The following TBXAS1 variants were observed in gnomAD, a reference collection of about 807,000 sequenced individuals.
The protein encoded by TBXAS1 is thromboxane-A synthase.
Under a neutral mutation model 60.7 loss-of-function variants are expected in TBXAS1, and 48 were observed. The observed-to-expected ratio is 0.79, with a 90% CI of 0.63 to 1.01. The LOEUF (loss-of-function observed/expected upper bound fraction) is 1.01, where lower values mean the gene tolerates loss of function less well. Ranked by LOEUF, TBXAS1 falls within the 50% of genes least tolerant of loss-of-function variation. The probability of loss-of-function intolerance (pLI) is 0.00; values close to 1 mark genes in which losing one functional copy is unlikely to be tolerated. For missense variants in TBXAS1, 685 were observed against 686.3 expected, an observed-to-expected ratio of 1.00 and a Z score of 0.02; for synonymous variants, 287 against 269.7, an observed-to-expected ratio of 1.06 and a Z score of -0.63.
At chr7:139,801,006 G>T (rs974624565) in intron 4 of TBXAS1, among the ~76,000 whole-genome samples, 8 of 152,058 alleles carry the variant, frequency 5.3e-5, no homozygotes, top group African/African-American at 1.9e-4. Context: ...TATTACTCCA[G>T]AATAATTTCA....
At chr7:139,867,193 G>A (rs1315781977) in intron 1 of TBXAS1, among the ~76,000 whole-genome samples, 1 of 151,284 alleles carries the variant, frequency 6.6e-6, no homozygotes, top group Non-Finnish European at 1.5e-5. Context: ...AGCATCACAA[G>A]TTTTTACCCC....
chr7:139,990,574 A>T (rs1208231273), intron 9 of TBXAS1, among the ~76,000 whole-genome samples: 1 of 151,048 alleles, frequency 6.6e-6, no homozygotes, highest in Non-Finnish European at 1.5e-5. Context: ...GTCATCTACT[A>T]CCCCTGGTTC....
chr7:139,855,425 C>T lies in TBXAS1; in HGVS notation c.90-16810C>T, dbSNP rs903043254. On this transcript the variant is annotated intron_variant, in intron 1 of 12. Transcript: ENST00000448866. ...GCCTGAAGTGTGACTGGATGTCAGGCGTGGGCTGCCCTGGGGCTTTGGGAA... is the reference window on the plus strand; with the variant it reads ...GCCTGAAGTGTGACTGGATGTCAGGTGTGGGCTGCCCTGGGGCTTTGGGAA... Among the ~76,000 whole-genome samples the T allele has an allele frequency of 2.0e-5, 3 of 151,852 alleles. 1 individual carries two copies. The highest frequency in any genetic ancestry group is 6.3e-3 in the Middle Eastern group (2 of 316).
intron 1 of TBXAS1, among the ~76,000 whole-genome samples, chr7:139,871,166 A>C (rs1360148351): frequency 1.3e-5 from 2 of 152,088 alleles, no homozygotes; most frequent in African/African-American, 4.8e-5. Flanking sequence ...TATTTTAAGT[A>C]CTCCTTATTG....
intron 1 of TBXAS1, among the ~76,000 whole-genome samples, chr7:139,837,596 G>A (rs956340271): frequency 6.6e-6 from 1 of 152,174 alleles, no homozygotes; most frequent in African/African-American, 2.4e-5. Context: ...TCACTGATAC[G>A]TGGGATCTAA....
At chr7:139,972,501 G>T (rs1811276605) in intron 9 of TBXAS1, among the ~76,000 whole-genome samples, 1 of 152,088 alleles carries the variant, frequency 6.6e-6, no homozygotes, top group Admixed American at 6.5e-5. Context: ...AACATCAAAA[G>T]AATGGGTTTT....
chr7:139,808,497 A>G (rs1797933834), intron 4 of TBXAS1, among the ~76,000 whole-genome samples: 1 of 152,182 alleles, frequency 6.6e-6, no homozygotes, highest in Non-Finnish European at 1.5e-5. Context: ...GTAAACTTAC[A>G]TAATTTAATT....
chr7:139,876,934 T>A (rs1215374205), intron 3 of TBXAS1, among the ~76,000 whole-genome samples: 4 of 152,232 alleles, frequency 2.6e-5, no homozygotes, highest in African/African-American at 9.6e-5. Context: ...AGGCTCTGCA[T>A]GTCTCTCATC....
At chr7:139,979,947 G>A (rs1005177372) in intron 9 of TBXAS1, among the ~76,000 whole-genome samples, 4 of 149,222 alleles carry the variant, frequency 2.7e-5, no homozygotes, top group Admixed American at 1.3e-4. Context: ...TTTTCCTCAC[G>A]TAAAATCCAC....
intron 3 of TBXAS1, among the ~76,000 whole-genome samples, chr7:139,905,635 T>A (rs1805017808): frequency 2.6e-5 from 4 of 152,210 alleles, no homozygotes; most frequent in Admixed American, 2.6e-4. Flanking sequence ...CTTCATAGAA[T>A]GAGTTAGGGA....
chr7:139,906,523 C>T (rs891517424), intron 3 of TBXAS1, among the ~76,000 whole-genome samples: 31 of 152,074 alleles, frequency 2.0e-4, no homozygotes, highest in African/African-American at 5.8e-4. Context: ...ACAGTCTTGA[C>T]GACTACAGCC....
At chr7:139,976,447 G>A (rs1185663073) in intron 9 of TBXAS1, among the ~76,000 whole-genome samples, 1 of 152,246 alleles carries the variant, frequency 6.6e-6, no homozygotes, top group African/African-American at 2.4e-5. Flanking sequence ...AAGCAAGCCA[G>A]TCCTTGGTTT....
intron 9 of TBXAS1, among the ~76,000 whole-genome samples, chr7:139,993,515 C>G (rs1813072247): frequency 6.6e-6 from 1 of 152,220 alleles, no homozygotes; most frequent in East Asian, 1.9e-4. Flanking sequence ...CCCTGCGGCC[C>G]TGCTGCCTGG....
intron 9 of TBXAS1, among the ~76,000 whole-genome samples, chr7:139,984,636 G>GAAAGAAAGAAAGAAAGAA (rs1554503288): frequency 1.4e-5 from 1 of 70,912 alleles, no homozygotes; most frequent in Admixed American, 1.5e-4. Flanking sequence ...GAGAGAGAGA[G>GAAAGAAAGAAAGAAAGAA]AGAGAGAAAG....
intron 4 of TBXAS1, among the ~76,000 whole-genome samples, chr7:139,800,112 C>A (rs1279960314): frequency 1.3e-5 from 2 of 152,174 alleles, no homozygotes; most frequent in East Asian, 3.9e-4. Flanking sequence ...AGGGCAATGC[C>A]ACCCTTTATT....
chr7:139,848,576 A>C (rs185913065), intron 1 of TBXAS1, among the ~76,000 whole-genome samples: 20 of 152,282 alleles, frequency 1.3e-4, no homozygotes, highest in African/African-American at 4.3e-4. Flanking sequence ...TGGGGTTTAG[A>C]TCTGCTCCAC....
intron 1 of TBXAS1, among the ~76,000 whole-genome samples, chr7:139,840,330 T>A (rs1585599726): frequency 6.6e-6 from 1 of 152,254 alleles, no homozygotes; most frequent in East Asian, 1.9e-4. Context: ...GGAAAAGGCA[T>A]CCCGCCTCCA....
chr7:139,888,677 C>T (rs1356839736), intron 3 of TBXAS1, among the ~76,000 whole-genome samples: 1 of 152,054 alleles, frequency 6.6e-6, no homozygotes. Flanking sequence ...TGGCAGGTGG[C>T]CTGTGGAGAA....
chr7:140,019,515 A>G (rs1204824291), intron 12 of TBXAS1, among the ~76,000 whole-genome samples: 1 of 152,190 alleles, frequency 6.6e-6, no homozygotes, highest in Non-Finnish European at 1.5e-5. Flanking sequence ...CAGCTTTTTC[A>G]GATGCCTTTG....
Sources: gnomAD v4.1 joint callset for allele counts (sites outside exome capture counted in the v4.1 genomes callset) on GRCh38, gnomAD v4.1.1 for gene constraint, MANE v1.5 for transcripts, NCBI Gene and HGNC (gene_info 2026-07-23, HGNC 2026-07-21) for gene names.